Variants in CTNND2 observed in about 807,000 individuals in gnomAD.
CTNND2 encodes the protein catenin delta-2.
In CTNND2, 22 loss-of-function variants were observed where a neutral mutation model predicts 144.4. The ratio of observed to expected loss-of-function variants is 0.15; its 90% CI spans 0.11 to 0.22. The LOEUF (loss-of-function observed/expected upper bound fraction) is 0.22, where lower values mean the gene tolerates loss of function less well. CTNND2 is among the 10% of genes least tolerant of loss of function. CTNND2 has a pLI of 1.00. For missense variants in CTNND2, 1,353 were observed against 1,618.8 expected (o/e 0.84, Z 2.82); for synonymous variants, 751 against 695.6 (o/e 1.08, Z -1.25).
chr5:11,281,828 T>C (rs1747157838), intron 9 of CTNND2, among the ~76,000 whole-genome samples: 1 of 152,180 alleles, frequency 6.6e-6, no homozygotes, highest in Admixed American at 6.5e-5. Flanking sequence ...CATCTTAACT[T>C]AATCACCTCT....
chr5:11,334,634 G>A (rs1038786752), intron 9 of CTNND2, among the ~76,000 whole-genome samples: 1 of 152,204 alleles, frequency 6.6e-6, no homozygotes, highest in African/African-American at 2.4e-5. Flanking sequence ...TTCCGAAAAT[G>A]TTGGGAACCA....
intron 1 of CTNND2, among the ~76,000 whole-genome samples, chr5:11,880,948 ACTACTACTACCAC>A (rs1560962873): frequency 6.8e-6 from 1 of 147,680 alleles, no homozygotes; most frequent in Non-Finnish European, 1.5e-5. Context: ...TACTAATACT[ACTACTACTACCAC>A]TACTACTACT....
intron 2 of CTNND2, among the ~76,000 whole-genome samples, chr5:11,714,992 A>G (rs1293088596): frequency 1.3e-5 from 2 of 152,162 alleles, no homozygotes; most frequent in Non-Finnish European, 2.9e-5. Flanking sequence ...ATTATTAGCT[A>G]TTATGTTTAT....
intron 16 of CTNND2, among the ~76,000 whole-genome samples, chr5:11,052,326 CCT>C (rs1745927389): frequency 6.6e-6 from 1 of 152,104 alleles, no homozygotes; most frequent in Non-Finnish European, 1.5e-5. Flanking sequence ...CCAATACTCC[CCT>C]GACACACATA....
intron 3 of CTNND2, among the ~76,000 whole-genome samples, chr5:11,522,791 T>G (rs1002605139): frequency 1.3e-5 from 2 of 152,152 alleles, no homozygotes; most frequent in African/African-American, 4.8e-5. Flanking sequence ...TAGACACAGG[T>G]TTTTTTCTTG....
intron 1 of CTNND2, among the ~76,000 whole-genome samples, chr5:11,749,278 G>A (rs1030228882): frequency 2.0e-5 from 3 of 152,024 alleles, no homozygotes; most frequent in Admixed American, 2.0e-4. Flanking sequence ...TATTAGTTGT[G>A]TTAAGGTCCT....
intron 11 of CTNND2, among the ~76,000 whole-genome samples, chr5:11,185,480 G>C (rs1430204459): frequency 6.6e-6 from 1 of 152,220 alleles, no homozygotes; most frequent in East Asian, 1.9e-4. Flanking sequence ...TGGGATTACA[G>C]GCCTCATGAT....
chr5:11,021,716 A>T (rs556903529), intron 17 of CTNND2, among the ~76,000 whole-genome samples: 5 of 151,946 alleles, frequency 3.3e-5, no homozygotes, highest in South Asian at 2.1e-4. Flanking sequence ...TCCTGAATTA[A>T]GTGAAATAAT....
intron 9 of CTNND2, among the ~76,000 whole-genome samples, chr5:11,303,769 T>A (rs78282625): frequency 6.6e-6 from 1 of 152,164 alleles, no homozygotes; most frequent in Admixed American, 6.5e-5. Context: ...ATCTTGAATC[T>A]CAGTCTTCAT....
chr5:11,283,362 T>C (rs1043487696), intron 9 of CTNND2, among the ~76,000 whole-genome samples: 5 of 151,820 alleles, frequency 3.3e-5, no homozygotes, highest in Non-Finnish European at 5.9e-5. Flanking sequence ...CTCGCTACTG[T>C]TAACATGGGA....
At chr5:11,662,233 G>GTATATATATACATATATGTGTATATATT (rs1561669425) in intron 2 of CTNND2, among the ~76,000 whole-genome samples, 1 of 130,224 alleles carries the variant, frequency 7.7e-6, no homozygotes, top group Non-Finnish European at 1.6e-5. Context: ...GTGTATATAT[G>GTATATATATACATATATGTGTATATATT]TATATATATA....
chr5:11,149,104 C>A (rs150148726), intron 12 of CTNND2, among the ~76,000 whole-genome samples: 1 of 152,172 alleles, frequency 6.6e-6, no homozygotes, highest in Non-Finnish European at 1.5e-5. Flanking sequence ...CTGAGCAATG[C>A]GACAGGCCAC....
chr5:11,327,374 G>A (rs1340925590), intron 9 of CTNND2, among the ~76,000 whole-genome samples: 1 of 152,190 alleles, frequency 6.6e-6, no homozygotes, highest in Non-Finnish European at 1.5e-5. Flanking sequence ...AGCATTGTTT[G>A]AAACCTATGA....
chr5:11,433,924 A>G (rs1018684575), intron 3 of CTNND2, among the ~76,000 whole-genome samples: 1 of 152,214 alleles, frequency 6.6e-6, no homozygotes. Context: ...AGTTTCTTTA[A>G]TAACTAAACA....
intron 9 of CTNND2, among the ~76,000 whole-genome samples, chr5:11,239,737 G>T (rs1580678055): frequency 6.6e-6 from 1 of 152,104 alleles, no homozygotes; most frequent in Non-Finnish European, 1.5e-5. Context: ...CTGTCCCCTG[G>T]CCTGCCTGGC....
intron 1 of CTNND2, among the ~76,000 whole-genome samples, chr5:11,792,572 A>C (rs1324374051): frequency 6.6e-6 from 1 of 152,236 alleles, no homozygotes; most frequent in African/African-American, 2.4e-5. Context: ...TCAAATATTT[A>C]AATACAAGTA....
At chr5:11,147,457 C>A (rs549661175) in intron 12 of CTNND2, among the ~76,000 whole-genome samples, 2 of 152,038 alleles carry the variant, frequency 1.3e-5, no homozygotes, top group Non-Finnish European at 2.9e-5. Flanking sequence ...GCTAGTATTG[C>A]AAACATGGTG....
intron 12 of CTNND2, among the ~76,000 whole-genome samples, chr5:11,142,425 AG>A (rs1317069480): frequency 6.6e-6 from 1 of 152,080 alleles, no homozygotes; most frequent in Non-Finnish European, 1.5e-5. Context: ...GTTGAATGCA[AG>A]GGGGATTCTT....
chr5:11,725,177 T>C (rs552607024), intron 2 of CTNND2, among the ~76,000 whole-genome samples: 1 of 152,294 alleles, frequency 6.6e-6, no homozygotes, highest in Admixed American at 6.5e-5. Context: ...TCAGGCATGT[T>C]TACCTGTGTC....
Sources: allele counts gnomAD v4.1 joint callset (sites outside exome capture counted in the v4.1 genomes callset), GRCh38; gene constraint gnomAD v4.1.1; transcripts MANE v1.5; gene names NCBI Gene and HGNC (gene_info 2026-07-23, HGNC 2026-07-21).